LATS2: variants seen among roughly 807,000 people sequenced by gnomAD.
LATS2 encodes large tumor suppressor kinase 2.
In LATS2, 24 loss-of-function variants were observed where a neutral mutation model predicts 76.0. The ratio of observed to expected loss-of-function variants is 0.32; its 90% CI spans 0.23 to 0.44. The LOEUF is 0.44. Ranked by LOEUF, LATS2 falls within the 20% of genes least tolerant of loss-of-function variation. LATS2 has a pLI of 1.00. For missense variants in LATS2, 1,286 were observed against 1,481.2 expected (o/e 0.87, Z 2.16); for synonymous variants, 692 against 635.4 (o/e 1.09, Z -1.34).
Position 20,991,867 on chromosome 13 carries a change from G to A in LATS2, c.343-463C>T, listed in dbSNP as rs1345799703. On this transcript the variant is annotated intron_variant, in intron 2 of 7. Transcript: ENST00000382592. The surrounding 1 kb of genome is among the most constrained non-coding windows in gnomAD (Gnocchi z 4.9). ...AGGGAGAGGGTGCAGCTGCCGAAGA[G>A]TCATATATTACACGCCTACTGTTTA... Among the ~76,000 whole-genome samples, 2 of 152,210 alleles carry A rather than the reference G, an allele frequency of 1.3e-5. No individual in the cohort carries two copies. The highest frequency in any genetic ancestry group is 2.4e-5 in the African/African-American group (1 of 41,456).
At chr13:21,050,647 A>G (rs1873242361) in intron 1 of LATS2, among the ~76,000 whole-genome samples, 1 of 152,202 alleles carries the variant, frequency 6.6e-6, no homozygotes, top group African/African-American at 2.4e-5. Context: ...GGTCTGGGCT[A>G]TTACAAATGG....
At chr13:21,060,671 G>A (rs1873608858) in intron 1 of LATS2, among the ~76,000 whole-genome samples, 1 of 151,646 alleles carries the variant, frequency 6.6e-6, no homozygotes, top group African/African-American at 2.4e-5. Flanking sequence ...AGGCGGCGCA[G>A]CCACCGGGGG....
chr13:20,994,510 G>A (rs1273535332), intron 2 of LATS2, among the ~76,000 whole-genome samples: 3 of 152,216 alleles, frequency 2.0e-5, no homozygotes, highest in African/African-American at 4.8e-5. Flanking sequence ...ATGGCAAGAG[G>A]TCGGAGCCAG....
At chr13:21,023,745 G>A (rs12584444) in intron 2 of LATS2, among the ~76,000 whole-genome samples, 11 of 149,058 alleles carry the variant, frequency 7.4e-5, no homozygotes, top group African/African-American at 2.5e-4. Context: ...AGGCTGAGCC[G>A]CGTGGATCAC....
rs1869489126 is a variant in LATS2 at position 20,974,345 on chromosome 13, T to C, written c.*525A>G. ...AACATTATATCATTATATCACAATT[T>C]TGAAACATGGGAAAAAATAAAAAAC... On this transcript the variant is annotated 3_prime_UTR_variant, in exon 8 of 8. Transcript: ENST00000382592. 8.8e-6 allele frequency: 2 copies of C among 226,728 alleles called. No homozygotes were observed. The highest frequency in any genetic ancestry group is 1.7e-5 in the Non-Finnish European group (2 of 114,542). The allele number at this position is 226,728 out of a possible 1,614,324, so 14.0% of individuals were successfully genotyped here. A position where few individuals can be genotyped will look rare whatever the true frequency, so the allele number is the denominator to read the frequency against.
At chr13:20,990,678 G>A (rs912364442) in intron 3 of LATS2, among the ~76,000 whole-genome samples, 1 of 151,922 alleles carries the variant, frequency 6.6e-6, no homozygotes, top group Non-Finnish European at 1.5e-5. Flanking sequence ...ACACCCCAGG[G>A]GCCTCAGGTA....
At chr13:21,051,209 G>A (rs1442695189) in intron 1 of LATS2, among the ~76,000 whole-genome samples, 2 of 152,216 alleles carry the variant, frequency 1.3e-5, no homozygotes, top group African/African-American at 2.4e-5. Context: ...CCTCTTATAT[G>A]TAGGGCCCTT....
intron 1 of LATS2, among the ~76,000 whole-genome samples, chr13:21,052,105 C>A (rs867107860): frequency 6.6e-6 from 1 of 152,186 alleles, no homozygotes; most frequent in Non-Finnish European, 1.5e-5. Flanking sequence ...AGCTCCTGCA[C>A]GGTACCAAGG....
intron 2 of LATS2, among the ~76,000 whole-genome samples, chr13:21,021,512 A>T (rs1872063289): frequency 7.4e-6 from 1 of 134,782 alleles, no homozygotes; most frequent in Non-Finnish European, 1.6e-5. Flanking sequence ...AAAGCTTTGT[A>T]AAAGGCATTT....
rs7317471 is a variant in LATS2 at position 21,045,946 on chromosome 13, T to C, written c.81A>G (p.Lys27=). ...QRLQEIREGL[K]QPSKSSVQGL... ...CCTGAACCGAAGACTTGGATGGCTG[T>C]TTTAACCCCTCACGAATCTCTTGCA... Residue 27 remains lysine (K), a synonymous_variant, in exon 2 of 8, where the codon AAA becomes AAG. Transcript: ENST00000382592. 1,362,109 of 1,613,846 alleles carry C rather than the reference T, an allele frequency of 0.84. 577,003 individuals carry two copies. The highest frequency in any genetic ancestry group is 0.9 in the East Asian group (40,588 of 44,868).
At chr13:21,055,896 G>A (rs751176682) in intron 1 of LATS2, among the ~76,000 whole-genome samples, 2 of 152,222 alleles carry the variant, frequency 1.3e-5, no homozygotes, top group Non-Finnish European at 2.9e-5. Context: ...ACCACTATGT[G>A]GATGTACCAC....
At chr13:21,046,278 C>A (rs181181398) in intron 1 of LATS2, 48 bp from the exon 2 acceptor site, 8 of 398,500 alleles carry the variant, frequency 2.0e-5, no homozygotes, top group Non-Finnish European at 3.6e-5. Flanking sequence ...GTCATTTTCA[C>A]GCAACGTTAA....
chr13:20,985,537 G>A (rs1471022508), intron 4 of LATS2, among the ~76,000 whole-genome samples: 1 of 152,056 alleles, frequency 6.6e-6, no homozygotes, highest in East Asian at 1.9e-4. Context: ...TCAGGAGTTT[G>A]AGACCAGCCT....
At chr13:21,036,587 A>G (rs1175277620) in intron 2 of LATS2, among the ~76,000 whole-genome samples, 2 of 152,000 alleles carry the variant, frequency 1.3e-5, no homozygotes. Flanking sequence ...AGACTCACCA[A>G]CATGGTGAAA....
At chr13:21,038,958 C>T (rs1872775509) in intron 2 of LATS2, among the ~76,000 whole-genome samples, 1 of 152,216 alleles carries the variant, frequency 6.6e-6, no homozygotes, top group Non-Finnish European at 1.5e-5. Context: ...CCAGCCTAGG[C>T]ACAGAGTGAG....
At position 20,991,256 on chromosome 13, in the gene LATS2, G is replaced by A. The variant is rs776718134; in HGVS notation, c.475+16C>T. 6.2e-7 allele frequency: 1 copy of A among 1,614,058 alleles called. No individual in the cohort carries two copies. The highest frequency in any genetic ancestry group is 8.5e-7 in the Non-Finnish European group (1 of 1,179,960). On this transcript the variant is annotated intron_variant, in intron 3 of 7. Transcript: ENST00000382592. The surrounding 1 kb of genome is among the most constrained non-coding windows in gnomAD (Gnocchi z 4.9). ...ACAAACCATCTTTGCCCACTATGCT[G>A]CAGGCCTGGGCTCACCTGGGGAGGT...
At chr13:21,007,683 GTA>G (rs1309299079) in intron 2 of LATS2, among the ~76,000 whole-genome samples, 4 of 352 alleles carry the variant, frequency 0.011, 1 homozygote, top group African/African-American at 0.014. Flanking sequence ...TATATATATA[GTA>G]TATATATATA....
At chr13:20,992,746 G>T (rs1261555988) in intron 2 of LATS2, among the ~76,000 whole-genome samples, 1 of 152,122 alleles carries the variant, frequency 6.6e-6, no homozygotes, top group Non-Finnish European at 1.5e-5. Context: ...AGAAGAAAGG[G>T]GTGGAGATGG....
intron 2 of LATS2, among the ~76,000 whole-genome samples, chr13:21,002,732 A>C (rs887204749): frequency 6.6e-6 from 1 of 151,974 alleles, no homozygotes; most frequent in Non-Finnish European, 1.5e-5. Flanking sequence ...TTGCTCTGTC[A>C]CCCAGGCTGA....
Sources: gnomAD v4.1 joint callset for allele counts (sites outside exome capture counted in the v4.1 genomes callset) on GRCh38, gnomAD v4.1.1 for gene constraint, Gnocchi (gnomAD v3.1) non-coding constraint, MANE v1.5 for transcripts, NCBI Gene and HGNC (gene_info 2026-07-23, HGNC 2026-07-21) for gene names.